Variants in TM9SF2 observed in about 807,000 individuals in gnomAD.
TM9SF2 encodes transmembrane 9 superfamily member 2.
Under a neutral mutation model 84.9 loss-of-function variants are expected in TM9SF2, and 13 were observed. That is an observed-to-expected ratio of 0.15 (90% CI 0.10 to 0.24). TM9SF2 has a LOEUF of 0.24. Among genes scored for constraint, TM9SF2 ranks in the 10% least tolerant of loss-of-function variants. The pLI is 1.00. For synonymous variants in TM9SF2, 273 were observed against 285.8 expected, an observed-to-expected ratio of 0.96 and a Z score of 0.45; for missense variants, 562 against 818.5, an observed-to-expected ratio of 0.69 and a Z score of 3.82.
At chr13:99,538,872 C>T (rs2046245810) in intron 6 of TM9SF2, among the ~76,000 whole-genome samples, 1 of 151,898 alleles carries the variant, frequency 6.6e-6, no homozygotes, top group Admixed American at 6.6e-5. Flanking sequence ...GCACACCAGC[C>T]TGGGTGACAA....
chr13:99,554,531 T>C, intron 14 of TM9SF2, 76 bp downstream of exon 14: 1 of 1,442,884 alleles, frequency 6.9e-7, no homozygotes. Context: ...TTATATGGGT[T>C]ACTATTTGTA....
At position 99,563,913 on chromosome 13, in the gene TM9SF2, A is replaced by G. The variant is rs752594110; in HGVS notation, c.*1155A>G. The G allele has an allele frequency of 8.5e-5, 13 of 152,188 alleles. No homozygotes were observed. The highest frequency in any genetic ancestry group is 2.9e-4 in the African/African-American group (12 of 41,440). The allele number at this position is 152,188 out of a possible 1,614,324, so 9.4% of individuals were successfully genotyped here. On this transcript the variant is annotated 3_prime_UTR_variant, in exon 17 of 17. Coordinates refer to ENST00000376387, the MANE Select transcript of TM9SF2 (RefSeq NM_004800.3). The stretch of plus-strand genomic sequence containing the variant: ...GATTCTGAAGTATCGGTCTGCTTGT[A>G]TCTGTGAGCATATTCATTTGTATTT...
chr13:99,529,639 T>A, intron 4 of TM9SF2, 45 bp downstream of exon 4: 1 of 1,451,654 alleles, frequency 6.9e-7, no homozygotes, highest in Non-Finnish European at 9.1e-7. Context: ...CCTTTCCATA[T>A]GAAATCTTTG....
chr13:99,541,353 T>C (rs1160081356), intron 8 of TM9SF2, among the ~76,000 whole-genome samples: 1 of 152,234 alleles, frequency 6.6e-6, no homozygotes, highest in Non-Finnish European at 1.5e-5. Context: ...ACTATGAAAC[T>C]GTATTATGAT....
intron 3 of TM9SF2, among the ~76,000 whole-genome samples, chr13:99,525,574 GAGAC>G (rs2046179205): frequency 2.4e-5 from 2 of 83,388 alleles, no homozygotes; most frequent in South Asian, 8.0e-4. Context: ...TTTTTTTTTT[GAGAC>G]AGAGTCTTGC....
At chr13:99,549,832 A>G (rs192421472) in intron 12 of TM9SF2, among the ~76,000 whole-genome samples, 4 of 152,334 alleles carry the variant, frequency 2.6e-5, no homozygotes, top group African/African-American at 9.6e-5. Context: ...CAATAAAGAA[A>G]GCCAAGGATG....
At chr13:99,548,619 A>G (rs2046293654) in intron 11 of TM9SF2, among the ~76,000 whole-genome samples, 1 of 152,214 alleles carries the variant, frequency 6.6e-6, no homozygotes, top group Non-Finnish European at 1.5e-5. Context: ...TAAAACATAT[A>G]TTAGCAAACA....
At chr13:99,529,688 T>C (rs2046199746) in intron 4 of TM9SF2, 94 bp downstream of exon 4, 1 of 1,283,386 alleles carries the variant, frequency 7.8e-7, no homozygotes, top group Non-Finnish European at 1.0e-6. Context: ...GTGTAAAATA[T>C]AGCAAATTAA....
In TM9SF2 at chr13:99,501,695, C is replaced by A. The variant is rs772063174; in HGVS notation, c.89C>A (p.Pro30Gln). ...SLLLLGAVPG[P>Q]RRSGAFYLPG... Reference sequence around the variant, plus strand: ...CTCCTGCTGGGGGCGGTTCCTGGCCCGCGCCGGAGCGGCGCTTTCTACCTG... The same window carrying A: ...CTCCTGCTGGGGGCGGTTCCTGGCCAGCGCCGGAGCGGCGCTTTCTACCTG... The change falls in exon 1 of 17, where the codon CCG becomes CAG. Residue 30 changes from proline to glutamine, a missense_variant. By Grantham distance (76) the Pro-to-Gln change is moderately conservative. This residue lies in a region of TM9SF2 where 267 missense variants were observed against 316.7 expected (regional missense o/e 0.84). Transcript: ENST00000376387. 3 of 1,612,050 alleles carry A rather than the reference C, an allele frequency of 1.9e-6. No homozygotes were observed. The highest frequency in any genetic ancestry group is 2.5e-6 in the Non-Finnish European group (3 of 1,179,650).
At chr13:99,511,971 C>T (rs376715218) in intron 1 of TM9SF2, among the ~76,000 whole-genome samples, 33 of 152,286 alleles carry the variant, frequency 2.2e-4, no homozygotes, top group East Asian at 7.7e-4. Context: ...CAGAATTGTG[C>T]GTGATAGTTA....
intron 4 of TM9SF2, among the ~76,000 whole-genome samples, chr13:99,530,472 A>G (rs1056127690): frequency 5.3e-5 from 8 of 152,260 alleles, no homozygotes; most frequent in Non-Finnish European, 1.2e-4. Flanking sequence ...TGCTTAACGC[A>G]AGGATGCCAC....
intron 2 of TM9SF2, among the ~76,000 whole-genome samples, chr13:99,518,140 C>T (rs2139077701): frequency 6.6e-6 from 1 of 152,302 alleles, no homozygotes; most frequent in Admixed American, 6.5e-5. Context: ...GAGACAGAGT[C>T]TCACTGTATT....
At chr13:99,542,186 A>G (rs2046263215) in intron 9 of TM9SF2, among the ~76,000 whole-genome samples, 1 of 151,414 alleles carries the variant, frequency 6.6e-6, no homozygotes, top group African/African-American at 2.4e-5. Context: ...GAGTCAGCAC[A>G]GCCTTGGGAG....
Position 99,547,855 on chromosome 13 carries a change from T to G in TM9SF2, c.1270+751T>G, listed in dbSNP as rs75481193. ...GAAAAAGTTTTGAGGTGAAGCACAG[T>G]AGAGTTACGTGGACAACCTTAATGT... On this transcript the variant is annotated intron_variant, in intron 11 of 16. Transcript: ENST00000376387. 3.5e-3 allele frequency among the ~76,000 whole-genome samples: 526 copies of G among 152,268 alleles called. 3 individuals are homozygous for G. Among genetic ancestry groups the G allele is most frequent in the African/African-American group, 0.012 (506 of 41,538 alleles).
In TM9SF2 at chr13:99,563,617, G is replaced by T. The variant is rs986079939; in HGVS notation, c.*859G>T. On this transcript the variant is annotated 3_prime_UTR_variant, in exon 17 of 17. Transcript: ENST00000376387. The stretch of plus-strand genomic sequence containing the variant: ...GGTTGAAGTCATGCATATCTAGACA[G>T]ATGAATTATCTGCAAGTACTTAAGG... 1 of 152,218 alleles carries T rather than the reference G, an allele frequency of 6.6e-6. No homozygotes were observed. The highest frequency in any genetic ancestry group is 2.4e-5 in the African/African-American group (1 of 41,456). The allele number at this position is 152,218 out of a possible 1,614,324, so 9.4% of individuals were successfully genotyped here. A position where few individuals can be genotyped will look rare whatever the true frequency, so the allele number is the denominator to read the frequency against.
At chr13:99,520,607 C>T (rs750414660) in intron 3 of TM9SF2, among the ~76,000 whole-genome samples, 3 of 152,092 alleles carry the variant, frequency 2.0e-5, no homozygotes, top group East Asian at 1.9e-4. Context: ...CTTGCTCTGT[C>T]GCCCAGGCTG....
intron 11 of TM9SF2, 41 bp from the exon 12 acceptor site, chr13:99,549,124 A>G (rs761496352): frequency 6.3e-7 from 1 of 1,577,374 alleles, no homozygotes. Flanking sequence ...GTTTGCTTTA[A>G]AGAAAATCTG....
At chr13:99,546,208 A>C (rs2046281832) in intron 10 of TM9SF2, among the ~76,000 whole-genome samples, 1 of 152,140 alleles carries the variant, frequency 6.6e-6, no homozygotes, top group South Asian at 2.1e-4. Context: ...TTTAGGGGAA[A>C]CAATAGGGGG....
At chr13:99,540,907 T>A (rs2046256343) in intron 8 of TM9SF2, 114 bp downstream of exon 8, 3 of 938,018 alleles carry the variant, frequency 3.2e-6, no homozygotes, top group Non-Finnish European at 1.6e-6. Flanking sequence ...TGGCCTTGGG[T>A]TCAAATCCTG....
Sources: gnomAD v4.1 joint callset for allele counts (sites outside exome capture counted in the v4.1 genomes callset) on GRCh38, gnomAD v4.1.1 for gene constraint, gnomAD v4.1.1 regional missense constraint, MANE v1.5 for transcripts, NCBI Gene and HGNC (gene_info 2026-07-23, HGNC 2026-07-21) for gene names.